NLGN4X: variants seen among roughly 807,000 people sequenced by gnomAD.
NLGN4X encodes neuroligin 4 X-linked, also known as neuroligin-4, X-linked.
Under a neutral mutation model 40.3 loss-of-function variants are expected in NLGN4X, and 3 were observed. That is an observed-to-expected ratio of 0.07 (90% CI 0.03 to 0.19). NLGN4X has a LOEUF of 0.19. Ranked by LOEUF, NLGN4X falls within the 10% of genes least tolerant of loss-of-function variation. NLGN4X has a pLI of 1.00. For synonymous variants in NLGN4X, 270 were observed against 306.8 expected, an observed-to-expected ratio of 0.88 and a Z score of 1.25; for missense variants, 382 against 708.3, an observed-to-expected ratio of 0.54 and a Z score of 5.23.
intron 3 of NLGN4X, among the ~76,000 whole-genome samples, chrX:5,928,843 T>TTTTTTAA (rs1448192338): frequency 4.5e-5 from 5 of 110,882 alleles, no homozygotes; most frequent in Non-Finnish European, 7.6e-5. Flanking sequence ...ACTTATTTTT[T>TTTTTTAA]TTTTTAATTT....
intron 2 of NLGN4X, among the ~76,000 whole-genome samples, chrX:6,038,371 C>G (rs979810741): frequency 8.9e-6 from 1 of 112,556 alleles, no homozygotes. Flanking sequence ...GACAACTCCT[C>G]TTTCCTCCAT....
intron 3 of NLGN4X, among the ~76,000 whole-genome samples, chrX:5,953,645 A>G (rs1334394587): frequency 8.9e-6 from 1 of 112,088 alleles, no homozygotes; most frequent in African/African-American, 3.2e-5. Flanking sequence ...CATTGTGTGT[A>G]TTTGAAGAGA....
At chrX:6,108,568 A>C (rs1943637693) in intron 2 of NLGN4X, among the ~76,000 whole-genome samples, 1 of 110,370 alleles carries the variant, frequency 9.1e-6, no homozygotes. Flanking sequence ...AGTACCAGCT[A>C]CTCTACTAGG....
chrX:6,042,253 T>C (rs768036137), intron 2 of NLGN4X, among the ~76,000 whole-genome samples: 7 of 111,713 alleles, frequency 6.3e-5, no homozygotes, highest in Non-Finnish European at 1.1e-4. Flanking sequence ...TTAGCAATAA[T>C]TGATTTCACA....
chrX:6,024,090 T>C (rs1426040374), intron 3 of NLGN4X, among the ~76,000 whole-genome samples: 2 of 112,257 alleles, frequency 1.8e-5, no homozygotes, highest in Non-Finnish European at 3.8e-5. Flanking sequence ...GTAATGGCCT[T>C]ACAGGGATTC....
chrX:6,068,990 A>C (rs1036709611), intron 2 of NLGN4X, among the ~76,000 whole-genome samples: 9 of 112,393 alleles, frequency 8.0e-5, no homozygotes, highest in Non-Finnish European at 1.1e-4. Flanking sequence ...AAATTGAATA[A>C]AAATTAAATA....
chrX:6,051,362 C>T (rs1381380048), intron 2 of NLGN4X, among the ~76,000 whole-genome samples: 1 of 111,787 alleles, frequency 8.9e-6, no homozygotes, highest in African/African-American at 3.3e-5. Context: ...AAAGGTACTA[C>T]TGCAGGGTCT....
At chrX:6,066,165 C>T (rs2037910914) in intron 2 of NLGN4X, among the ~76,000 whole-genome samples, 1 of 111,913 alleles carries the variant, frequency 8.9e-6, no homozygotes, top group Non-Finnish European at 1.9e-5. Flanking sequence ...AGGGCAAAAC[C>T]TTTCCCATGT....
chrX:6,017,835 A>G (rs991200679), intron 3 of NLGN4X, among the ~76,000 whole-genome samples: 1 of 111,260 alleles, frequency 9.0e-6, no homozygotes, highest in African/African-American at 3.3e-5. Context: ...TTATTTATAA[A>G]ATAGGATTTG....
chrX:6,072,668 T>C (rs999681489), intron 2 of NLGN4X, among the ~76,000 whole-genome samples: 2 of 111,781 alleles, frequency 1.8e-5, no homozygotes, highest in Admixed American at 1.9e-4. Context: ...CGCTGTGCCA[T>C]ACGGAGTCCA....
chrX:5,921,801 G>A (rs1202649486), intron 3 of NLGN4X, among the ~76,000 whole-genome samples: 1 of 111,788 alleles, frequency 8.9e-6, no homozygotes, highest in Non-Finnish European at 1.9e-5. Flanking sequence ...ATTGGGCAGC[G>A]GTAGCTACAC....
Position 6,212,000 on chromosome X carries a change from C to T in NLGN4X, c.-306+16541G>A, listed in dbSNP as rs140564607. ...GTGGCTCATGTCTGTAATCCCAGCA[C>T]GTCAGGAGGTTGAGGTGGGCGGCTC... is the stretch of plus-strand genomic sequence containing the variant. On this transcript the variant is annotated intron_variant, in intron 1 of 5. Coordinates refer to ENST00000381095, the MANE Select transcript of NLGN4X (RefSeq NM_181332.3). Among the ~76,000 whole-genome samples the T allele has an allele frequency of 5.4e-3, 607 of 111,407 alleles. 6 individuals carry two copies. Among genetic ancestry groups the T allele is most frequent in the African/African-American group, 0.019 (583 of 30,700 alleles).
chrX:6,216,996 G>T (rs1392222733), intron 1 of NLGN4X, among the ~76,000 whole-genome samples: 2 of 111,545 alleles, frequency 1.8e-5, no homozygotes, highest in African/African-American at 6.5e-5. Context: ...TTCCTAGACT[G>T]GTCTCAAAGT....
intron 2 of NLGN4X, among the ~76,000 whole-genome samples, chrX:6,136,656 T>A (rs62588004): frequency 0.16 from 18,145 of 111,903 alleles, 1,129 homozygotes; most frequent in Middle Eastern, 0.25. Flanking sequence ...ACAATTTATA[T>A]GCTTATGTAA....
intron 2 of NLGN4X, among the ~76,000 whole-genome samples, chrX:6,103,423 G>T (rs1602235666): frequency 8.9e-6 from 1 of 111,833 alleles, no homozygotes; most frequent in Non-Finnish European, 1.9e-5. Context: ...ACAACTTAGG[G>T]TAACTAGTAG....
chrX:5,912,554 T>C (rs1285280374), intron 3 of NLGN4X, among the ~76,000 whole-genome samples: 2 of 110,657 alleles, frequency 1.8e-5, no homozygotes, highest in Non-Finnish European at 3.8e-5. Context: ...ATGAATCTGT[T>C]GGGAGGTTAC....
At chrX:6,171,982 G>A (rs933783908) in intron 1 of NLGN4X, among the ~76,000 whole-genome samples, 3 of 110,961 alleles carry the variant, frequency 2.7e-5, no homozygotes, top group East Asian at 5.7e-4. Context: ...TCTCTTCCTC[G>A]TGCTCCAGCC....
intron 2 of NLGN4X, among the ~76,000 whole-genome samples, chrX:6,139,217 C>T (rs1041996558): frequency 1.3e-4 from 14 of 111,533 alleles, no homozygotes; most frequent in African/African-American, 4.5e-4. Context: ...GATTTAAACA[C>T]CAGGTGATAA....
intron 2 of NLGN4X, among the ~76,000 whole-genome samples, chrX:6,036,670 T>C (rs1199615917): frequency 9.2e-6 from 1 of 109,245 alleles, no homozygotes; most frequent in Non-Finnish European, 1.9e-5. Flanking sequence ...AGGTAGGCTG[T>C]GAGTTTCCTT....
Sources: gnomAD v4.1 joint callset for allele counts (sites outside exome capture counted in the v4.1 genomes callset) on GRCh38, gnomAD v4.1.1 for gene constraint, MANE v1.5 for transcripts, NCBI Gene and HGNC (gene_info 2026-07-23, HGNC 2026-07-21) for gene names.